Variants in DCLRE1C observed in about 807,000 individuals in gnomAD.
DCLRE1C encodes DNA cross-link repair 1C, also known as protein artemis.
DCLRE1C carries 47 observed loss-of-function variants against 61.4 expected under a neutral mutation model. That is an observed-to-expected ratio of 0.77 (90% CI 0.61 to 0.98). DCLRE1C has a LOEUF of 0.98. DCLRE1C is among the 50% of genes least tolerant of loss of function. DCLRE1C has a pLI of 0.00. For missense variants in DCLRE1C, 858 were observed against 816.0 expected (o/e 1.05, Z -0.63); for synonymous variants, 337 against 287.6 (o/e 1.17, Z -1.74).
intron 10 of DCLRE1C, among the ~76,000 whole-genome samples, chr10:14,927,364 G>A (rs534296304): frequency 1.6e-4 from 21 of 130,230 alleles, no homozygotes; most frequent in African/African-American, 5.4e-4. Flanking sequence ...CAGCCTGAGT[G>A]ACAGAGTGAG....
At chr10:14,947,896 C>A (rs1208573784) in intron 2 of DCLRE1C, among the ~76,000 whole-genome samples, 1 of 151,914 alleles carries the variant, frequency 6.6e-6, no homozygotes, top group Admixed American at 6.6e-5. Context: ...CCCTCTCTAC[C>A]GAAAATACAA....
At chr10:14,918,437 A>G (rs1836557294) in intron 13 of DCLRE1C, among the ~76,000 whole-genome samples, 1 of 152,238 alleles carries the variant, frequency 6.6e-6, no homozygotes, top group Non-Finnish European at 1.5e-5. Context: ...CAGAAGGCAG[A>G]TCAGTGGATG....
chr10:14,914,162 TTAAATA>T (rs1227575797), intron 13 of DCLRE1C, among the ~76,000 whole-genome samples: 1 of 152,132 alleles, frequency 6.6e-6, no homozygotes, highest in Admixed American at 6.6e-5. Flanking sequence ...GAAACCCACT[TTAAATA>T]TAAAGACTAG....
intron 6 of DCLRE1C, 149 bp from the exon 7 acceptor site, chr10:14,934,924 G>A: frequency 1.5e-6 from 1 of 659,330 alleles, no homozygotes; most frequent in Non-Finnish European, 2.8e-6. Context: ...CCGGGTTCAA[G>A]CAATTCTCCT....
At chr10:14,934,116 T>G (rs1418114315) in intron 8 of DCLRE1C, among the ~76,000 whole-genome samples, 2 of 151,870 alleles carry the variant, frequency 1.3e-5, no homozygotes, top group Admixed American at 1.3e-4. Context: ...TAGCTTGAGG[T>G]CAGGAGTTCA....
At chr10:14,918,264 T>C (rs1011488097) in intron 13 of DCLRE1C, among the ~76,000 whole-genome samples, 5 of 152,212 alleles carry the variant, frequency 3.3e-5, no homozygotes, top group African/African-American at 1.2e-4. Flanking sequence ...GATCAGCAAC[T>C]TGTAGTATAT....
rs368377625 is a variant in DCLRE1C, at chr10:14,908,420, G to A, written c.2067C>T (p.Leu689=). 1.2e-6 allele frequency: 2 copies of A among 1,613,494 alleles called. No homozygotes were observed. ...ACGCTTTGAATTCTTAGGTATCTAA[G>A]AGTGAGCATTTTCTTTTTTTGACTG... ...SIAVKKRKCS[L]LDT The change falls in exon 14 of 14, where the codon CTC becomes CTT. Residue 689 remains leucine, a synonymous_variant. Coordinates refer to ENST00000378278, the MANE Select transcript of DCLRE1C (RefSeq NM_001033855.3).
At chr10:14,909,746 A>C (rs1186779804) in intron 13 of DCLRE1C, among the ~76,000 whole-genome samples, 2 of 152,246 alleles carry the variant, frequency 1.3e-5, no homozygotes, top group Non-Finnish European at 1.5e-5. Flanking sequence ...GTGCTCTGCA[A>C]ATAGTAGATG....
chr10:14,912,050 G>A (rs1242370049), intron 13 of DCLRE1C, among the ~76,000 whole-genome samples: 2 of 152,316 alleles, frequency 1.3e-5, no homozygotes, highest in East Asian at 3.9e-4. Context: ...TTGACCATAT[G>A]TTATGAACTG....
intron 13 of DCLRE1C, among the ~76,000 whole-genome samples, chr10:14,914,071 C>G (rs1341999703): frequency 6.6e-6 from 1 of 152,182 alleles, no homozygotes; most frequent in Non-Finnish European, 1.5e-5. Context: ...TACCATTAAA[C>G]TAAGTGGACT....
upstream of DCLRE1C, chr10:14,954,182 C>G: frequency 1.7e-6 from 2 of 1,149,026 alleles, no homozygotes; most frequent in Non-Finnish European, 2.5e-6. Context: ...AAGGAGCATC[C>G]GGTCGGGTTC....
intron 11 of DCLRE1C, among the ~76,000 whole-genome samples, chr10:14,924,432 C>T (rs1837616650): frequency 6.6e-6 from 1 of 152,226 alleles, no homozygotes; most frequent in Non-Finnish European, 1.5e-5. Flanking sequence ...TCTTATTAGA[C>T]ATTGGTGAGC....
At chr10:14,932,648 T>G (rs1214772544) in intron 9 of DCLRE1C, among the ~76,000 whole-genome samples, 1 of 151,660 alleles carries the variant, frequency 6.6e-6, no homozygotes, top group African/African-American at 2.4e-5. Context: ...AAAAAAAAAG[T>G]ACAGATCTGT....
intron 13 of DCLRE1C, among the ~76,000 whole-genome samples, chr10:14,913,336 G>C (rs772280721): frequency 6.6e-6 from 1 of 152,204 alleles, no homozygotes; most frequent in South Asian, 2.1e-4. Flanking sequence ...GTACAATTCT[G>C]TTATACTAAC....
chr10:14,909,028 G>A lies in DCLRE1C; in HGVS notation c.1459C>T (p.Pro487Ser), dbSNP rs116202790. 4.3e-6 allele frequency: 7 copies of A among 1,614,086 alleles called. No homozygotes were observed. The African/African-American group carries it at 8.0e-5, about 18-fold the overall frequency. ...CTTTTAAAGAATACTTCCCACTGGG[G>A]TACATCCCCATCAGCCTTTTGCAGG... Reference protein sequence around the residue: ...LHLQKADGDVPQWEVFFKRND... With the variant: ...LHLQKADGDVSQWEVFFKRND... Residue 487 changes from proline (P) to serine (S), a missense_variant, in exon 14 of 14, where the codon CCC becomes TCC. Physicochemically the swap from Pro to Ser is moderately conservative, Grantham distance 74. This residue lies in a region of DCLRE1C where 843 missense variants were observed against 783.5 expected (regional missense o/e 1.08). Coordinates refer to ENST00000378278, the MANE Select transcript of DCLRE1C (RefSeq NM_001033855.3).
chr10:14,937,401 T>C (rs1389986707), intron 4 of DCLRE1C, among the ~76,000 whole-genome samples: 3 of 150,130 alleles, frequency 2.0e-5, no homozygotes, highest in Non-Finnish European at 4.4e-5. Context: ...TTCTCCTGCC[T>C]CAGCCTCCCC....
At chr10:14,928,367 T>C (rs1281141348) in intron 9 of DCLRE1C, among the ~76,000 whole-genome samples, 1 of 152,028 alleles carries the variant, frequency 6.6e-6, no homozygotes, top group African/African-American at 2.4e-5. Flanking sequence ...TTCAAAACCA[T>C]CAATGTGAAG....
chr10:14,953,881 C>A (rs781576752), intron 1 of DCLRE1C, 21 bp downstream of exon 1: 3 of 1,613,372 alleles, frequency 1.9e-6, no homozygotes, highest in Admixed American at 1.7e-5. Flanking sequence ...CGGGAGCGGG[C>A]GACGCGCAGC....
chr10:14,919,929 T>C, intron 12 of DCLRE1C, 97 bp from the exon 13 acceptor site: 1 of 986,322 alleles, frequency 1.0e-6, no homozygotes, highest in Non-Finnish European at 1.6e-6. Flanking sequence ...TTTTGTTTTT[T>C]AATTTCTTGG....
Sources: allele counts gnomAD v4.1 joint callset (sites outside exome capture counted in the v4.1 genomes callset), GRCh38; gene constraint gnomAD v4.1.1; regional missense constraint gnomAD v4.1.1; transcripts MANE v1.5; gene names NCBI Gene and HGNC (gene_info 2026-07-23, HGNC 2026-07-21).